SINHCAF: variants seen among roughly 807,000 people sequenced by gnomAD.
SINHCAF encodes the protein SIN3-HDAC complex-associated factor.
SINHCAF carries 3 observed loss-of-function variants against 25.8 expected under a neutral mutation model. The observed-to-expected ratio is 0.12, with a 90% confidence interval of 0.05 to 0.30. The LOEUF (loss-of-function observed/expected upper bound fraction) is 0.30, where lower values mean the gene tolerates loss of function less well. Ranked by LOEUF, SINHCAF falls within the 10% of genes least tolerant of loss-of-function variation. The pLI, the probability that SINHCAF is intolerant of heterozygous loss-of-function variation, is 1.00. For synonymous variants in SINHCAF, 70 were observed against 85.5 expected (o/e 0.82, Z 1.00); for missense variants, 121 against 262.3 (o/e 0.46, Z 3.72).
chr12:31,293,852 A>G lies in SINHCAF; in HGVS notation c.308T>C (p.Ile103Thr). 1 of 1,613,438 alleles carries G rather than the reference A, an allele frequency of 6.2e-7. No homozygotes were observed. The highest frequency in any genetic ancestry group is 8.5e-7 in the Non-Finnish European group (1 of 1,179,748). Residue 103 changes from isoleucine to threonine, a missense_variant, in exon 4 of 6, where the codon ATA becomes ACA. Ile to Thr is a moderately conservative substitution (Grantham distance 89). Transcript: ENST00000337682. ...CAGTTTACTGATCTGGTTGCTTTTT[A>G]TCCTGTTCCCAGATAGAGTTTTCAC... ...KKVKTLSGNR[I>T]KSNQISKLQK... is the part of the protein sequence containing the mutation.
At chr12:31,286,278 A>C (rs1049010542) in intron 5 of SINHCAF, among the ~76,000 whole-genome samples, 2 of 152,082 alleles carry the variant, frequency 1.3e-5, no homozygotes, top group African/African-American at 4.8e-5. Flanking sequence ...TATTTTGCTA[A>C]AACTTTTTTT....
At chr12:31,321,516 G>A (rs1003319877) in intron 1 of SINHCAF, among the ~76,000 whole-genome samples, 2 of 152,088 alleles carry the variant, frequency 1.3e-5, no homozygotes, top group African/African-American at 4.8e-5. Context: ...AGTGTTGTGA[G>A]GACAACACAG....
chr12:31,292,031 GCA>G (rs558063079), intron 4 of SINHCAF, among the ~76,000 whole-genome samples: 1 of 152,142 alleles, frequency 6.6e-6, no homozygotes, highest in Non-Finnish European at 1.5e-5. Context: ...CTACTACACA[GCA>G]CAGTTTCATA....
intron 1 of SINHCAF, chr12:31,303,015 T>A: frequency 7.1e-6 from 7 of 985,210 alleles, no homozygotes; most frequent in Non-Finnish European, 8.4e-6. Context: ...CATCTATCTG[T>A]CTATCTACAA....
intron 2 of SINHCAF, 96 bp from the exon 3 acceptor site, chr12:31,295,429 G>T: frequency 2.7e-6 from 2 of 751,854 alleles, no homozygotes; most frequent in East Asian, 2.6e-5. Flanking sequence ...ATCTATGTAT[G>T]GTTTATAGAT....
At chr12:31,283,854 T>TCA (rs1217044076) in intron 5 of SINHCAF, among the ~76,000 whole-genome samples, 2 of 39,140 alleles carry the variant, frequency 5.1e-5, no homozygotes, top group East Asian at 6.9e-4. Flanking sequence ...CAGTTATCCA[T>TCA]TACACACACA....
intron 1 of SINHCAF, 52 bp from the exon 2 acceptor site, chr12:31,298,276 C>T (rs777684292): frequency 6.2e-7 from 1 of 1,601,636 alleles, no homozygotes; most frequent in Non-Finnish European, 8.5e-7. Context: ...TAACAAGGAA[C>T]CATTAAAGAG....
At chr12:31,295,923 G>A (rs1938529593) in intron 2 of SINHCAF, among the ~76,000 whole-genome samples, 1 of 151,872 alleles carries the variant, frequency 6.6e-6, no homozygotes, top group Non-Finnish European at 1.5e-5. Flanking sequence ...GCTCACACCT[G>A]TAATCCCAGC....
At chr12:31,290,301 C>A (rs1938254093) in intron 4 of SINHCAF, among the ~76,000 whole-genome samples, 1 of 151,998 alleles carries the variant, frequency 6.6e-6, no homozygotes. Context: ...ACTACCACAC[C>A]CAACTAATTT....
chr12:31,300,685 C>T (rs1938752734), intron 1 of SINHCAF, among the ~76,000 whole-genome samples: 1 of 152,104 alleles, frequency 6.6e-6, no homozygotes, highest in Non-Finnish European at 1.5e-5. Flanking sequence ...CAGAAGATTG[C>T]AGAAACAAGA....
intron 1 of SINHCAF, among the ~76,000 whole-genome samples, chr12:31,316,315 T>C (rs1225065349): frequency 6.6e-6 from 1 of 152,134 alleles, no homozygotes; most frequent in Non-Finnish European, 1.5e-5. Flanking sequence ...GGACAATATA[T>C]ATAAACAAAA....
chr12:31,290,769 G>T (rs1444257499), intron 4 of SINHCAF, among the ~76,000 whole-genome samples: 2 of 152,090 alleles, frequency 1.3e-5, no homozygotes, highest in African/African-American at 4.8e-5. Flanking sequence ...GCCCAGGCTG[G>T]AGTGCAATAG....
At chr12:31,299,517 C>T (rs1402443098) in intron 1 of SINHCAF, among the ~76,000 whole-genome samples, 1 of 152,050 alleles carries the variant, frequency 6.6e-6, no homozygotes, top group Non-Finnish European at 1.5e-5. Context: ...AGGGTTTCAG[C>T]ATGTTAGCCA....
At chr12:31,286,581 T>C (rs1938079862) in intron 5 of SINHCAF, among the ~76,000 whole-genome samples, 2 of 149,480 alleles carry the variant, frequency 1.3e-5, no homozygotes, top group Non-Finnish European at 3.0e-5. Flanking sequence ...GGAGAATCAC[T>C]GAACCCGGGA....
chr12:31,300,205 A>G (rs944590837), intron 1 of SINHCAF, among the ~76,000 whole-genome samples: 1 of 152,228 alleles, frequency 6.6e-6, no homozygotes, highest in South Asian at 2.1e-4. Flanking sequence ...GTTTTGAAAT[A>G]TAGACAGAGG....
chr12:31,282,502 A>T lies in SINHCAF; in HGVS notation c.*210T>A. On this transcript the variant is annotated 3_prime_UTR_variant, in exon 6 of 6. Transcript: ENST00000337682. ...CCGGGTCTGGTGGCGGGCACCTATA[A>T]ACCCAGCTACTTGGGAGGCTGAGGC... 1 of 418,846 alleles carries T rather than the reference A, an allele frequency of 2.4e-6. No homozygotes were observed. The highest frequency in any genetic ancestry group is 4.2e-6 in the Non-Finnish European group (1 of 236,636). 25.9% of individuals were successfully genotyped at this position (418,846 alleles called of 1,614,324 possible).
chr12:31,298,390 T>C lies in SINHCAF; in HGVS notation c.-20-166A>G, dbSNP rs149173691. ...CTGGATCGACCTCCATTCTTGGCAC[T>C]ATCAAGGCAAGCGTATAAAACACAA... is the stretch of plus-strand genomic sequence containing the variant. On this transcript the variant is annotated intron_variant, in intron 1 of 5. Transcript: ENST00000337682. The C allele has an allele frequency of 1.4e-5, 9 of 657,732 alleles. No homozygotes were observed. The East Asian group carries it at 2.5e-4, about 19-fold the overall frequency. 40.7% of individuals were successfully genotyped at this position (657,732 alleles called of 1,614,324 possible).
Position 31,325,421 on chromosome 12 carries a change from CCCAAAGG to C in SINHCAF, c.-21+596_-21+602del, listed in dbSNP as rs1939930848. On this transcript the variant is annotated intron_variant, in intron 1 of 5. Transcript: ENST00000337682. The surrounding 1 kb of genome is among the most constrained non-coding windows in gnomAD (Gnocchi z 5.9). ...GCTCCGGCAGAGCCCAGCACTGACC[CCCAAAGG>C]CCGATTTAAAGACCCTCGGCCGCCA... 2.8e-6 allele frequency: 1 copy of C among 352,682 alleles called. No individual in the cohort carries two copies. Among genetic ancestry groups the C allele is most frequent in the Non-Finnish European group, 5.6e-6 (1 of 177,252 alleles). The allele number at this position is 352,682 out of a possible 1,614,324, so 21.8% of individuals were successfully genotyped here. A position where few individuals can be genotyped will look rare whatever the true frequency, so the allele number is the denominator to read the frequency against.
chr12:31,314,857 T>C (rs1360698106), intron 1 of SINHCAF, among the ~76,000 whole-genome samples: 3 of 152,218 alleles, frequency 2.0e-5, no homozygotes, highest in African/African-American at 7.2e-5. Context: ...TCCATTTGTT[T>C]AAGTAATTAC....
Sources: gnomAD v4.1 joint callset for allele counts (sites outside exome capture counted in the v4.1 genomes callset) on GRCh38, gnomAD v4.1.1 for gene constraint, Gnocchi (gnomAD v3.1) non-coding constraint, MANE v1.5 for transcripts, NCBI Gene and HGNC (gene_info 2026-07-23, HGNC 2026-07-21) for gene names.